The following POLDIP3 variants were observed in gnomAD, a reference collection of about 807,000 sequenced individuals.
The protein encoded by POLDIP3 is DNA polymerase delta interacting protein 3, also known as polymerase delta-interacting protein 3.
POLDIP3 carries 14 observed loss-of-function variants against 45.1 expected under a neutral mutation model. The observed-to-expected ratio is 0.31, with a 90% CI of 0.20 to 0.49. The LOEUF is 0.49. Among genes scored for constraint, POLDIP3 ranks in the 20% least tolerant of loss-of-function variants. The pLI, the probability that POLDIP3 is intolerant of heterozygous loss-of-function variation, is 0.99. For synonymous variants in POLDIP3, 223 were observed against 205.2 expected (o/e 1.09, Z -0.74); for missense variants, 511 against 538.8 (o/e 0.95, Z 0.51).
At chr22:42,592,125 T>A in intron 6 of POLDIP3, 41 bp from the exon 7 acceptor site, 1 of 1,612,054 alleles carries the variant, frequency 6.2e-7, no homozygotes, top group South Asian at 1.1e-5. Flanking sequence ...GAAGGATTTC[T>A]CAGCACCTGC....
At chr22:42,596,133 T>G in intron 5 of POLDIP3, 53 bp downstream of exon 5, 1 of 1,570,736 alleles carries the variant, frequency 6.4e-7, no homozygotes. Context: ...GAGGTACATA[T>G]AAGCATACAG....
chr22:42,599,595 G>A (rs1601895383), intron 4 of POLDIP3, 103 bp downstream of exon 4: 2 of 845,484 alleles, frequency 2.4e-6, no homozygotes, highest in Non-Finnish European at 3.9e-6. Flanking sequence ...GGAGAAGAGC[G>A]AGATGTCGTC....
At chr22:42,586,155 A>G (rs1850078462) in intron 8 of POLDIP3, among the ~76,000 whole-genome samples, 187 bp from the exon 9 acceptor site, 1 of 152,176 alleles carries the variant, frequency 6.6e-6, no homozygotes, top group Admixed American at 6.5e-5. Context: ...TCCTAGGCTC[A>G]AGCAGTTCTC....
chr22:42,597,685 T>C (rs1436137389), intron 4 of POLDIP3: 9 of 469,558 alleles, frequency 1.9e-5, no homozygotes, highest in Non-Finnish European at 3.1e-5. Context: ...AGCAAGCTGA[T>C]AGTTCCCTTG....
chr22:42,603,456 A>G, intron 1 of POLDIP3: 1 of 325,978 alleles, frequency 3.1e-6, no homozygotes, highest in Non-Finnish European at 5.6e-6. Context: ...CATGGACAAT[A>G]ACTTCCCAAC....
At chr22:42,612,126 C>G (rs757876792) in intron 1 of POLDIP3, among the ~76,000 whole-genome samples, 6 of 152,174 alleles carry the variant, frequency 3.9e-5, no homozygotes, top group Non-Finnish European at 8.8e-5. Context: ...CATACAATGG[C>G]AAAGAAATAT....
rs146463527 is a variant in POLDIP3, at chr22:42,588,547, A to G, written c.1022-975T>C. Among the ~76,000 whole-genome samples the G allele has an allele frequency of 2.8e-3, 418 of 151,308 alleles. 2 individuals carry two copies. The highest frequency in any genetic ancestry group is 9.3e-3 in the African/African-American group (384 of 41,306). On this transcript the variant is annotated intron_variant, in intron 7 of 8. Coordinates refer to ENST00000252115, the MANE Select transcript of POLDIP3 (RefSeq NM_032311.5). ...ATTAAATAATCCAATCCAAAGACAGATTGTCAGATTGAATTCAAATAAAAA... is the reference window on the plus strand; with the variant it reads ...ATTAAATAATCCAATCCAAAGACAGGTTGTCAGATTGAATTCAAATAAAAA...
chr22:42,604,207 G>C (rs185674540), intron 1 of POLDIP3, among the ~76,000 whole-genome samples: 3 of 152,134 alleles, frequency 2.0e-5, no homozygotes, highest in African/African-American at 7.2e-5. Flanking sequence ...AAACCCTCCC[G>C]GATTTCTCCA....
At chr22:42,597,165 G>C (rs936075515) in intron 4 of POLDIP3, among the ~76,000 whole-genome samples, 1 of 152,190 alleles carries the variant, frequency 6.6e-6, no homozygotes. Context: ...CCCTCCATCT[G>C]GATGTGGTCC....
intron 1 of POLDIP3, among the ~76,000 whole-genome samples, chr22:42,609,118 G>A (rs1224592253): frequency 6.6e-6 from 1 of 152,130 alleles, no homozygotes; most frequent in Non-Finnish European, 1.5e-5. Flanking sequence ...AGAACTGCTG[G>A]GGGCTCCTTT....
intron 4 of POLDIP3, chr22:42,597,688 T>C: frequency 4.3e-6 from 2 of 469,820 alleles, no homozygotes; most frequent in Non-Finnish European, 8.8e-6. Flanking sequence ...AAGCTGATAG[T>C]TCCCTTGATA....
chr22:42,602,817 G>T lies in POLDIP3; in HGVS notation c.403C>A (p.Pro135Thr). Reference protein sequence around the residue: ...RSSPAAFINPPIGTVTPALKL... With the variant: ...RSSPAAFINPTIGTVTPALKL... ...AGAGCAGGGGTCACTGTCCCAATGGGTGGGTTTATGAAGGCAGCAGGGGAA... is the reference window on the plus strand; with the variant it reads ...AGAGCAGGGGTCACTGTCCCAATGGTTGGGTTTATGAAGGCAGCAGGGGAA... The change falls in exon 2 of 9, where the codon CCC (proline) becomes ACC (threonine). Residue 135 changes from proline (P) to threonine (T), a missense_variant. Physicochemically the swap from Pro to Thr is conservative, Grantham distance 38. This residue lies in a region of POLDIP3 where 378 missense variants were observed against 352.3 expected (regional missense o/e 1.07). Transcript: ENST00000252115. 1 of 1,612,082 alleles carries T rather than the reference G, an allele frequency of 6.2e-7. No homozygotes were observed. Among genetic ancestry groups the T allele is most frequent in the Non-Finnish European group, 8.5e-7 (1 of 1,179,970 alleles).
chr22:42,599,656 C>T, intron 4 of POLDIP3, 42 bp downstream of exon 4: 1 of 1,422,240 alleles, frequency 7.0e-7, no homozygotes, highest in Non-Finnish European at 9.9e-7. Context: ...CTCCCACCTG[C>T]CTGATCAGAC....
At chr22:42,610,602 CAT>C (rs1927060988) in intron 1 of POLDIP3, among the ~76,000 whole-genome samples, 1 of 152,162 alleles carries the variant, frequency 6.6e-6, no homozygotes, top group South Asian at 2.1e-4. Context: ...GGGATGCCCT[CAT>C]ATCTAAAGGA....
intron 7 of POLDIP3, among the ~76,000 whole-genome samples, chr22:42,589,985 T>C (rs116661791): frequency 0.011 from 1,662 of 148,286 alleles, 25 homozygotes; most frequent in African/African-American, 0.039. Context: ...AACAAGAAAA[T>C]ACATATTTTC....
chr22:42,587,871 T>C (rs57377297), intron 7 of POLDIP3, among the ~76,000 whole-genome samples: 2,182 of 152,244 alleles, frequency 0.014, 52 homozygotes, highest in African/African-American at 0.049. Flanking sequence ...GCCATCCAAG[T>C]AGTAAGGGAA....
intron 6 of POLDIP3, among the ~76,000 whole-genome samples, chr22:42,595,022 T>C (rs5751308): frequency 6.6e-6 from 1 of 152,154 alleles, no homozygotes. Flanking sequence ...TGCTATTGTT[T>C]GAAAGGTCCG....
At chr22:42,603,447 A>G in intron 1 of POLDIP3, 1 of 346,010 alleles carries the variant, frequency 2.9e-6, no homozygotes. Flanking sequence ...AGACACCAAC[A>G]TGGACAATAA....
chr22:42,589,971 TAAC>T (rs1251012849), intron 7 of POLDIP3, among the ~76,000 whole-genome samples: 1 of 150,558 alleles, frequency 6.6e-6, no homozygotes, highest in Non-Finnish European at 1.5e-5. Context: ...ACATTCCACC[TAAC>T]AACAAGAAAA....
Sources: allele counts gnomAD v4.1 joint callset (sites outside exome capture counted in the v4.1 genomes callset), GRCh38; gene constraint gnomAD v4.1.1; regional missense constraint gnomAD v4.1.1; transcripts MANE v1.5; gene names NCBI Gene and HGNC (gene_info 2026-07-23, HGNC 2026-07-21).